Variants in TPD52 observed in about 807,000 individuals in gnomAD.
TPD52 encodes the protein tumor protein D52.
TPD52 carries 17 observed loss-of-function variants against 31.3 expected under a neutral mutation model. The ratio of observed to expected loss-of-function variants is 0.54; its 90% confidence interval spans 0.37 to 0.82. TPD52 has a LOEUF of 0.82. TPD52 is among the 40% of genes least tolerant of loss of function. The pLI is 0.00. For missense variants in TPD52, 212 were observed against 240.1 expected (o/e 0.88, Z 0.77); for synonymous variants, 83 against 89.6 (o/e 0.93, Z 0.42).
At chr8:80,047,536 T>A (rs1810984355) in intron 5 of TPD52, among the ~76,000 whole-genome samples, 1 of 152,134 alleles carries the variant, frequency 6.6e-6, no homozygotes, top group South Asian at 2.1e-4. Flanking sequence ...ACCCCTATAG[T>A]CTACAGCAAT....
At chr8:80,148,197 G>A (rs73252109) in intron 1 of TPD52, among the ~76,000 whole-genome samples, 16,901 of 151,456 alleles carry the variant, frequency 0.11, 1,163 homozygotes, top group South Asian at 0.21. Context: ...TTGTCACCCC[G>A]GCTGGAAAAC....
chr8:80,137,605 G>A (rs1032966391), intron 1 of TPD52, among the ~76,000 whole-genome samples: 1 of 152,154 alleles, frequency 6.6e-6, no homozygotes, highest in Non-Finnish European at 1.5e-5. Flanking sequence ...GGCTAAGAGA[G>A]TTTGAGTTTT....
rs1256985287 is a variant in TPD52, at chr8:80,035,091, A to C, written c.*3025T>G. On this transcript the variant is annotated 3_prime_UTR_variant, in exon 8 of 8. Transcript: ENST00000518937. ...ACACAGGGTCTCTCTAATCTAATGA[A>C]AACAGGACAGTCACTGAAAATAAGG... 1 of 152,244 alleles carries C rather than the reference A, an allele frequency of 6.6e-6. No homozygotes were observed. Among genetic ancestry groups the C allele is most frequent in the Non-Finnish European group, 1.5e-5 (1 of 68,030 alleles). The allele number at this position is 152,244 out of a possible 1,614,324, so 9.4% of individuals were successfully genotyped here. A position where few individuals can be genotyped will look rare whatever the true frequency, so the allele number is the denominator to read the frequency against.
intron 1 of TPD52, among the ~76,000 whole-genome samples, chr8:80,136,448 C>T (rs1366159906): frequency 7.1e-5 from 10 of 141,408 alleles, no homozygotes; most frequent in Non-Finnish European, 9.0e-5. Context: ...GGCAGGAACC[C>T]GGGAAGCAGA....
intron 7 of TPD52, among the ~76,000 whole-genome samples, chr8:80,041,699 C>CA (rs1187228603): frequency 6.6e-6 from 1 of 151,714 alleles, no homozygotes; most frequent in Non-Finnish European, 1.5e-5. Context: ...TCAAAGAAAT[C>CA]AAAAAATAAA....
Position 80,072,420 on chromosome 8 carries a change from T to C in TPD52, c.20-7827A>G, listed in dbSNP as rs57353195. ...ACACATAGATATGCGTGTATATACA[T>C]GTACACATAGATATGCGTGTATATA... is the stretch of plus-strand genomic sequence containing the variant. On this transcript the variant is annotated intron_variant, in intron 1 of 7. Coordinates refer to ENST00000518937, the MANE Select transcript of TPD52 (RefSeq NM_001025253.3). 3.5e-3 allele frequency among the ~76,000 whole-genome samples: 449 copies of C among 127,666 alleles called. 26 individuals are homozygous for C. The highest frequency in any genetic ancestry group is 0.016 in the African/African-American group (434 of 27,136). The allele number at this position is 127,666 out of a possible 152,430, so 83.8% of individuals were successfully genotyped here.
intron 7 of TPD52, chr8:80,042,276 T>C (rs1810463128): frequency 2.0e-6 from 2 of 985,326 alleles, no homozygotes; most frequent in Non-Finnish European, 2.4e-6. Context: ...GTGCTTCCTA[T>C]ATTCTTGTTA....
At chr8:80,138,782 G>A (rs1301172730) in intron 1 of TPD52, among the ~76,000 whole-genome samples, 1 of 152,044 alleles carries the variant, frequency 6.6e-6, no homozygotes, top group Non-Finnish European at 1.5e-5. Flanking sequence ...GAGAACCTGT[G>A]GCTCACCGCA....
intron 4 of TPD52, 48 bp from the exon 5 acceptor site, chr8:80,050,519 A>G: frequency 6.4e-7 from 1 of 1,550,932 alleles, no homozygotes; most frequent in Non-Finnish European, 8.7e-7. Flanking sequence ...GTTCTGATAA[A>G]TCTAAAACAA....
At chr8:80,112,747 A>T in intron 1 of TPD52, among the ~76,000 whole-genome samples, 1 of 48,266 alleles carries the variant, frequency 2.1e-5, no homozygotes, top group Non-Finnish European at 4.6e-5. Flanking sequence ...TTCATCAGCA[A>T]CCCCCCAACC....
At chr8:80,084,658 T>C (rs1391671703) in intron 1 of TPD52, among the ~76,000 whole-genome samples, 2 of 152,244 alleles carry the variant, frequency 1.3e-5, no homozygotes, top group Non-Finnish European at 2.9e-5. Context: ...TTGAATTTCA[T>C]CATTTCAGTA....
chr8:80,068,058 T>C (rs371659186), intron 1 of TPD52, among the ~76,000 whole-genome samples: 1 of 84,040 alleles, frequency 1.2e-5, no homozygotes, highest in Admixed American at 1.1e-4. Flanking sequence ...TTAATTTTAA[T>C]GTTGTTTTTT....
chr8:80,110,434 G>A (rs1401500832), intron 1 of TPD52, among the ~76,000 whole-genome samples: 3 of 152,034 alleles, frequency 2.0e-5, no homozygotes, highest in Admixed American at 2.0e-4. Flanking sequence ...CTAAGACAAA[G>A]ACAACCTAGC....
At chr8:80,094,430 T>TTATATATATATATATATACATA (rs1816533818) in intron 1 of TPD52, among the ~76,000 whole-genome samples, 1 of 53,694 alleles carries the variant, frequency 1.9e-5, no homozygotes, top group East Asian at 1.3e-3. Context: ...AAAGAAAATT[T>TTATATATATATATATATACATA]TATATATATA....
At chr8:80,117,126 T>C (rs1054628004) in intron 1 of TPD52, among the ~76,000 whole-genome samples, 2 of 152,186 alleles carry the variant, frequency 1.3e-5, no homozygotes, top group Non-Finnish European at 2.9e-5. Context: ...CTATTTAACA[T>C]TGAACTGGAG....
intron 1 of TPD52, among the ~76,000 whole-genome samples, chr8:80,095,482 G>A (rs1480341685): frequency 1.3e-5 from 2 of 152,076 alleles, no homozygotes; most frequent in Non-Finnish European, 2.9e-5. Flanking sequence ...CCATTGAACT[G>A]GACAACACTA....
chr8:80,096,680 G>T (rs1403555206), intron 1 of TPD52, among the ~76,000 whole-genome samples: 2 of 152,012 alleles, frequency 1.3e-5, no homozygotes, highest in Non-Finnish European at 2.9e-5. Flanking sequence ...TGTTACTATT[G>T]TAATTGTTTT....
intron 1 of TPD52, among the ~76,000 whole-genome samples, chr8:80,103,678 C>A (rs1312705442): frequency 6.6e-6 from 1 of 152,172 alleles, no homozygotes; most frequent in Non-Finnish European, 1.5e-5. Context: ...GACTTAGATA[C>A]GTGCATTCTA....
At chr8:80,049,316 G>A (rs1333762499) in intron 5 of TPD52, among the ~76,000 whole-genome samples, 1 of 152,182 alleles carries the variant, frequency 6.6e-6, no homozygotes, top group African/African-American at 2.4e-5. Context: ...CACTCTAAAT[G>A]TTAGCAGAAT....
Sources: allele counts gnomAD v4.1 joint callset (sites outside exome capture counted in the v4.1 genomes callset), GRCh38; gene constraint gnomAD v4.1.1; transcripts MANE v1.5; gene names NCBI Gene and HGNC (gene_info 2026-07-23, HGNC 2026-07-21).